Variants in DNAH6 observed in about 807,000 individuals in gnomAD.
DNAH6 encodes the protein dynein axonemal heavy chain 6.
Under a neutral mutation model 491.4 loss-of-function variants are expected in DNAH6, and 340 were observed. That is an observed-to-expected ratio of 0.69 (90% CI 0.63 to 0.76). The LOEUF is 0.76. Among genes scored for constraint, DNAH6 ranks in the 30% least tolerant of loss-of-function variants. The pLI, the probability that DNAH6 is intolerant of heterozygous loss-of-function variation, is 0.00. For synonymous variants in DNAH6, 1,603 were observed against 1,686.1 expected (o/e 0.95, Z 1.21); for missense variants, 4,443 against 4,972.2 (o/e 0.89, Z 3.20).
Position 84,577,402 on chromosome 2 carries a change from C to T in DNAH6, c.2070C>T (p.Cys690=), listed in dbSNP as rs373773886. ...REKLIPSPLR[C]LEVLNFMLPR... is the part of the protein sequence containing the mutation. The stretch of plus-strand genomic sequence containing the variant: ...AATTAATTCCATCACCTTTGCGATG[C>T]TTAGAGGTAACTATAAACTAGAAAA... Residue 690 remains cysteine, a synonymous_variant, in exon 13 of 77, where the codon TGC becomes TGT. Transcript: ENST00000389394. 5.0e-6 allele frequency: 8 copies of T among 1,584,846 alleles called. No individual in the cohort carries two copies. In the African/African-American group the frequency reaches 5.5e-5, roughly 11 times the overall value.
rs1678562437 is a variant in DNAH6 at position 84,544,325 on chromosome 2, T to C, written c.755T>C (p.Ile252Thr). The C allele has an allele frequency of 6.5e-7, 1 of 1,540,882 alleles. No individual in the cohort carries two copies. Among genetic ancestry groups the C allele is most frequent in the Non-Finnish European group, 8.8e-7 (1 of 1,137,492 alleles). ...ATTTATAATGAAGACATTGAATTTATCGAAATTGATCGATGGGAACAGGAA... is the reference window on the plus strand; with the variant it reads ...ATTTATAATGAAGACATTGAATTTACCGAAATTGATCGATGGGAACAGGAA... ...THIYNEDIEFIEIDRWEQEYL... is the reference protein window; with the variant it reads ...THIYNEDIEFTEIDRWEQEYL... Residue 252 changes from isoleucine (I) to threonine (T), a missense_variant, in exon 5 of 77, where the codon ATC becomes ACC. Around this residue, in one of 3 missense-constraint regions of DNAH6, gnomAD observed 2,977 missense variants for 3,296.6 expected, o/e 0.90. Transcript: ENST00000389394.
chr2:84,628,402 A>C (rs1196226734), intron 29 of DNAH6, among the ~76,000 whole-genome samples: 1 of 152,068 alleles, frequency 6.6e-6, no homozygotes, highest in Non-Finnish European at 1.5e-5. Context: ...TGACAACTTC[A>C]TAAGAGAGAG....
chr2:84,589,728 A>G (rs867969947), intron 16 of DNAH6, among the ~76,000 whole-genome samples: 11 of 151,842 alleles, frequency 7.2e-5, no homozygotes, highest in East Asian at 3.9e-4. Context: ...AAAAAAAAAA[A>G]AAAGAAAGGT....
the DNAH6 span, among the ~76,000 whole-genome samples, chr2:84,485,972 G>A: frequency 6.6e-6 from 1 of 151,930 alleles, no homozygotes; most frequent in African/African-American, 2.4e-5. Context: ...AGTTTTAAAT[G>A]ATTTGATGTG....
intron 43 of DNAH6, 69 bp downstream of exon 43, chr2:84,685,541 CA>C (rs1451882109): frequency 2.1e-6 from 2 of 949,734 alleles, no homozygotes; most frequent in African/African-American, 3.4e-5. Flanking sequence ...CTACAAAGAA[CA>C]ATTAACACAA....
intron 49 of DNAH6, among the ~76,000 whole-genome samples, chr2:84,702,764 C>A (rs1467129941): frequency 6.6e-6 from 1 of 151,980 alleles, no homozygotes. Flanking sequence ...TGGTCTCAAT[C>A]TGACCTCGTG....
At chr2:84,710,912 G>A (rs1696983470) in intron 56 of DNAH6, among the ~76,000 whole-genome samples, 1 of 151,916 alleles carries the variant, frequency 6.6e-6, no homozygotes, top group South Asian at 2.1e-4. Context: ...TTGAGTCTAG[G>A]TGCTCCATTT....
At chr2:84,486,905 T>G in the DNAH6 span, among the ~76,000 whole-genome samples, 1 of 152,148 alleles carries the variant, frequency 6.6e-6, no homozygotes, top group Admixed American at 6.5e-5. Flanking sequence ...ATTCAACAAA[T>G]ATTTATTTAG....
chr2:84,647,492 G>A (rs1198551617), intron 33 of DNAH6, among the ~76,000 whole-genome samples: 6 of 152,108 alleles, frequency 3.9e-5, no homozygotes, highest in African/African-American at 1.4e-4. Context: ...TCTAGTTAGG[G>A]GCTAAAGCAA....
chr2:84,628,189 G>A (rs1176228770), intron 29 of DNAH6, among the ~76,000 whole-genome samples: 1 of 152,202 alleles, frequency 6.6e-6, no homozygotes. Context: ...GATGGCTGTT[G>A]AGAGCTAGAT....
intron 68 of DNAH6, 93 bp downstream of exon 68, chr2:84,787,395 C>G: frequency 1.0e-6 from 1 of 967,154 alleles, no homozygotes; most frequent in Non-Finnish European, 1.5e-6. Context: ...GTGTCCTCCC[C>G]CAGTGTTTAA....
the DNAH6 span, among the ~76,000 whole-genome samples, chr2:84,500,452 G>A: frequency 3.3e-5 from 5 of 152,186 alleles, no homozygotes; most frequent in Admixed American, 2.6e-4. Context: ...ATAAACTGAA[G>A]TCAGGTAATG....
chr2:84,653,138 A>T (rs887979973), intron 33 of DNAH6, among the ~76,000 whole-genome samples, 181 bp from the exon 34 acceptor site: 1 of 152,122 alleles, frequency 6.6e-6, no homozygotes, highest in African/African-American at 2.4e-5. Flanking sequence ...ACAAAATCAT[A>T]CATGATATCA....
chr2:84,691,672 A>G (rs1372441074), intron 45 of DNAH6, among the ~76,000 whole-genome samples: 1 of 122,912 alleles, frequency 8.1e-6, no homozygotes, highest in East Asian at 1.9e-4. Flanking sequence ...GCAGCCACAG[A>G]CAGTAAGTGA....
the DNAH6 span, among the ~76,000 whole-genome samples, chr2:84,505,156 C>T: frequency 6.6e-6 from 1 of 152,000 alleles, no homozygotes; most frequent in Non-Finnish European, 1.5e-5. Flanking sequence ...TTTGATTGTC[C>T]ATTGCAAGTA....
chr2:84,624,424 C>G, intron 27 of DNAH6, 34 bp downstream of exon 27: 1 of 1,548,888 alleles, frequency 6.5e-7, no homozygotes, highest in Non-Finnish European at 8.7e-7. Flanking sequence ...TTATATACTT[C>G]TTTCTGAAAT....
intron 49 of DNAH6, among the ~76,000 whole-genome samples, chr2:84,702,457 T>C (rs1696001929): frequency 6.6e-6 from 1 of 152,116 alleles, no homozygotes; most frequent in Non-Finnish European, 1.5e-5. Context: ...ATATTTAAAT[T>C]TTTTCAGAGG....
intron 62 of DNAH6, among the ~76,000 whole-genome samples, chr2:84,736,476 G>A (rs1319143893): frequency 6.6e-6 from 1 of 152,122 alleles, no homozygotes; most frequent in East Asian, 1.9e-4. Flanking sequence ...CAACCCATAA[G>A]TGTGGGATGT....
intron 4 of DNAH6, among the ~76,000 whole-genome samples, chr2:84,531,039 A>G (rs1207955830): frequency 6.6e-6 from 1 of 152,138 alleles, no homozygotes; most frequent in Non-Finnish European, 1.5e-5. Context: ...CGAGACATCA[A>G]TTAATATGTG....
Sources: allele counts gnomAD v4.1 joint callset (sites outside exome capture counted in the v4.1 genomes callset), GRCh38; gene constraint gnomAD v4.1.1; regional missense constraint gnomAD v4.1.1; transcripts MANE v1.5; gene names NCBI Gene and HGNC (gene_info 2026-07-23, HGNC 2026-07-21).